Variants in SETX observed in about 807,000 individuals in gnomAD.
SETX encodes helicase senataxin.
SETX carries 90 observed loss-of-function variants against 227.2 expected under a neutral mutation model. The ratio of observed to expected loss-of-function variants is 0.40; its 90% CI spans 0.33 to 0.47. SETX has a LOEUF of 0.47. SETX is among the 20% of genes least tolerant of loss of function. The pLI is 0.91. For synonymous variants in SETX, 1,210 were observed against 1,113.2 expected, an observed-to-expected ratio of 1.09 and a Z score of -1.73; for missense variants, 3,052 against 3,181.5, an observed-to-expected ratio of 0.96 and a Z score of 0.98.
At chr9:132,316,460 TAATA>T (rs1362807365) in intron 10 of SETX, among the ~76,000 whole-genome samples, 1 of 152,206 alleles carries the variant, frequency 6.6e-6, no homozygotes, top group Non-Finnish European at 1.5e-5. Flanking sequence ...TAAAATCCAT[TAATA>T]TTCATTAATC....
intron 23 of SETX, among the ~76,000 whole-genome samples, chr9:132,272,578 A>G (rs1316137307): frequency 6.6e-6 from 1 of 152,116 alleles, no homozygotes; most frequent in Non-Finnish European, 1.5e-5. Flanking sequence ...CAGCCTCCCA[A>G]GGAGATGCAT....
At chr9:132,319,075 A>C (rs536491940) in intron 10 of SETX, among the ~76,000 whole-genome samples, 1 of 152,352 alleles carries the variant, frequency 6.6e-6, no homozygotes, top group South Asian at 2.1e-4. Flanking sequence ...AGTAAACAGC[A>C]TCACAATCTA....
upstream of SETX, among the ~76,000 whole-genome samples, chr9:132,355,328 A>G (rs959870639): frequency 4.6e-5 from 7 of 151,770 alleles, no homozygotes; most frequent in Admixed American, 2.6e-4. Context: ...CCCGCTGGCC[A>G]TTTCCGTTCC....
chr9:132,314,908 T>A (rs890242557), intron 10 of SETX, among the ~76,000 whole-genome samples: 1 of 83,460 alleles, frequency 1.2e-5, no homozygotes, highest in Admixed American at 1.1e-4. Flanking sequence ...TTTATTGTGT[T>A]TTTTTTTTTT....
Position 132,327,746 on chromosome 9 carries a change from A to G in SETX, c.3852T>C (p.Ala1284=), listed in dbSNP as rs1429981924. The change falls in exon 10 of 26, where the codon GCT becomes GCC. Residue 1284 remains alanine (A), a synonymous_variant. Coordinates refer to ENST00000224140, the MANE Select transcript of SETX (RefSeq NM_015046.7). ...GACCCTTTTTCAGGCCAAGTTTCTCAGCTGTTGAAGTTGGCTCAGGACACT... is the reference window on the plus strand; with the variant it reads ...GACCCTTTTTCAGGCCAAGTTTCTCGGCTGTTGAAGTTGGCTCAGGACACT... ...FRQCPEPTST[A]EKLGLKKGPR... The G allele has an allele frequency of 1.2e-6, 2 of 1,614,084 alleles. No homozygotes were observed. Among genetic ancestry groups the G allele is most frequent in the Non-Finnish European group, 1.7e-6 (2 of 1,180,042 alleles).
At chr9:132,318,125 C>G (rs1251992179) in intron 10 of SETX, among the ~76,000 whole-genome samples, 1 of 152,136 alleles carries the variant, frequency 6.6e-6, no homozygotes, top group African/African-American at 2.4e-5. Flanking sequence ...CTTGCCTACA[C>G]GTTCTTCAGT....
chr9:132,322,048 C>A (rs903545761), intron 10 of SETX, among the ~76,000 whole-genome samples: 3 of 152,106 alleles, frequency 2.0e-5, no homozygotes, highest in African/African-American at 7.2e-5. Context: ...GAAACTAATG[C>A]TGGGTTTTAC....
At chr9:132,318,539 C>A (rs1846135959) in intron 10 of SETX, among the ~76,000 whole-genome samples, 1 of 152,132 alleles carries the variant, frequency 6.6e-6, no homozygotes, top group Non-Finnish European at 1.5e-5. Context: ...CATGGGGATA[C>A]AACTCTGGGA....
intron 23 of SETX, among the ~76,000 whole-genome samples, chr9:132,273,579 A>G (rs1268362340): frequency 6.6e-6 from 1 of 152,152 alleles, no homozygotes; most frequent in Non-Finnish European, 1.5e-5. Context: ...TGCTATTGTA[A>G]ATGGAATTGT....
At chr9:132,317,503 G>A (rs148380352) in intron 10 of SETX, among the ~76,000 whole-genome samples, 365 of 152,212 alleles carry the variant, frequency 2.4e-3, no homozygotes, top group African/African-American at 8.5e-3. Context: ...ATACGCTTGG[G>A]TAACTGTTCC....
At chr9:132,299,760 A>G (rs576141783) in intron 12 of SETX, among the ~76,000 whole-genome samples, 4 of 152,294 alleles carry the variant, frequency 2.6e-5, no homozygotes, top group African/African-American at 7.2e-5. Context: ...AGGTTTACTT[A>G]ACATCCCTGA....
chr9:132,275,043 A>C, intron 23 of SETX: 1 of 572,684 alleles, frequency 1.7e-6, no homozygotes, highest in Non-Finnish European at 3.1e-6. Flanking sequence ...ACTGCCAAGG[A>C]GAATGTTGAC....
At chr9:132,336,638 A>G in intron 5 of SETX, 123 bp from the exon 6 acceptor site, 1 of 760,970 alleles carries the variant, frequency 1.3e-6, no homozygotes, top group South Asian at 1.5e-5. Flanking sequence ...TAATTAATGC[A>G]ATGTGTGGAC....
intron 10 of SETX, among the ~76,000 whole-genome samples, chr9:132,312,132 C>T (rs1845702574): frequency 6.6e-6 from 1 of 152,172 alleles, no homozygotes; most frequent in African/African-American, 2.4e-5. Flanking sequence ...GCTCAACAGC[C>T]ACCTGTGGCT....
chr9:132,275,200 T>A, intron 23 of SETX, 56 bp downstream of exon 23: 1 of 1,563,346 alleles, frequency 6.4e-7, no homozygotes, highest in South Asian at 1.1e-5. Flanking sequence ...TTTCCTTCTA[T>A]ATCCTCTCAT....
chr9:132,295,957 T>C lies in SETX; in HGVS notation c.6021A>G (p.Ala2007=), dbSNP rs763555500. 5.0e-6 allele frequency: 8 copies of C among 1,614,202 alleles called. No homozygotes were observed. Among genetic ancestry groups the C allele is most frequent in the Non-Finnish European group, 6.8e-6 (8 of 1,180,032 alleles). Residue 2007 remains alanine, a synonymous_variant, in exon 15 of 26, where the codon GCA becomes GCG. Transcript: ENST00000224140. ...KIKQNRVLVC[A]PSNAAVDELM... ...GTTCATCAACAGCTGCATTGGAAGG[T>C]GCACACACGAGGACACGGTTTTGTT...
At chr9:132,316,608 C>T (rs1388842093) in intron 10 of SETX, among the ~76,000 whole-genome samples, 2 of 152,192 alleles carry the variant, frequency 1.3e-5, no homozygotes, top group African/African-American at 2.4e-5. Context: ...CTATAAAGTA[C>T]GAATCTTAGC....
In SETX at chr9:132,326,910, T is replaced by G; in HGVS notation, c.4688A>C (p.Glu1563Ala). ...DCLETTKNQG[E>A]YCPKHSEVKA... ...CACTTCAGAGTGTTTTGGGCAGTAT[T>G]CACCCTGGTTTTTTGTGGTTTCAAG... The change falls in exon 10 of 26, where the codon GAA becomes GCA. Residue 1563 changes from glutamate (E) to alanine (A), a missense_variant. By Grantham distance (107) the Glu-to-Ala change is moderately radical. Coordinates refer to ENST00000224140, the MANE Select transcript of SETX (RefSeq NM_015046.7). 6.2e-7 allele frequency: 1 copy of G among 1,614,220 alleles called. No individual in the cohort carries two copies.
chr9:132,319,041 T>A (rs1032954804), intron 10 of SETX, among the ~76,000 whole-genome samples: 1 of 152,226 alleles, frequency 6.6e-6, no homozygotes, highest in African/African-American at 2.4e-5. Flanking sequence ...GAGAGGGCCA[T>A]TAGCCCGTGA....
Sources: gnomAD v4.1 joint callset for allele counts (sites outside exome capture counted in the v4.1 genomes callset) on GRCh38, gnomAD v4.1.1 for gene constraint, MANE v1.5 for transcripts, NCBI Gene and HGNC (gene_info 2026-07-23, HGNC 2026-07-21) for gene names.